The following EDIL3 variants were observed in gnomAD, a reference collection of about 807,000 sequenced individuals.
The protein encoded by EDIL3 is EGF-like repeat and discoidin I-like domain-containing protein 3.
In EDIL3, 37 loss-of-function variants were observed where a neutral mutation model predicts 67.4. The observed-to-expected ratio is 0.55, with a 90% CI of 0.42 to 0.72. The LOEUF (loss-of-function observed/expected upper bound fraction) is 0.72, where lower values mean the gene tolerates loss of function less well. Among genes scored for constraint, EDIL3 ranks in the 30% least tolerant of loss-of-function variants. The pLI is 0.00. For synonymous variants in EDIL3, 195 were observed against 196.3 expected (o/e 0.99, Z 0.05); for missense variants, 527 against 586.3 (o/e 0.90, Z 1.04).
intron 6 of EDIL3, among the ~76,000 whole-genome samples, chr5:84,066,971 C>G (rs1454025495): frequency 6.6e-6 from 1 of 152,124 alleles, no homozygotes; most frequent in Non-Finnish European, 1.5e-5. Context: ...CTATAAAACT[C>G]TATTGTCAAC....
At chr5:84,306,446 A>AT (rs1380807532) in intron 1 of EDIL3, among the ~76,000 whole-genome samples, 4 of 152,188 alleles carry the variant, frequency 2.6e-5, no homozygotes, top group Non-Finnish European at 4.4e-5. Context: ...AATAATGATG[A>AT]TTTTTTCCCA....
At chr5:84,373,954 A>T (rs1320538640) in intron 1 of EDIL3, among the ~76,000 whole-genome samples, 1 of 152,176 alleles carries the variant, frequency 6.6e-6, no homozygotes, top group East Asian at 1.9e-4. Flanking sequence ...GTTTAATATC[A>T]GAATGTTAAA....
chr5:84,297,543 G>A (rs916161763), intron 1 of EDIL3, among the ~76,000 whole-genome samples: 15 of 152,124 alleles, frequency 9.9e-5, no homozygotes, highest in Non-Finnish European at 1.5e-4. Context: ...TGGGGGTGAC[G>A]AATTCCGGCA....
Position 83,963,371 on chromosome 5 carries a change from A to AG in EDIL3, c.1138-12dup. On this transcript the variant is annotated splice_polypyrimidine_tract_variant and intron_variant, in intron 9 of 10. Transcript: ENST00000296591. ...AACAAGAAGATCCACCTTAAAAAAA[A>AG]GAAAAATACAGGCTTTAAATGCGAC... 1 of 1,589,070 alleles carries AG rather than the reference A, an allele frequency of 6.3e-7. No homozygotes were observed. The highest frequency in any genetic ancestry group is 8.5e-7 in the Non-Finnish European group (1 of 1,171,514).
intron 6 of EDIL3, among the ~76,000 whole-genome samples, chr5:84,074,124 C>T (rs1746802909): frequency 6.6e-6 from 1 of 151,698 alleles, no homozygotes; most frequent in Admixed American, 6.6e-5. Context: ...ATAAATGGTG[C>T]TGGGAAAACT....
At chr5:83,944,822 T>C (rs991588685) in intron 10 of EDIL3, among the ~76,000 whole-genome samples, 2 of 151,970 alleles carry the variant, frequency 1.3e-5, no homozygotes, top group Non-Finnish European at 2.9e-5. Context: ...TTCTTTCTTG[T>C]TTGGCATCAA....
intron 1 of EDIL3, among the ~76,000 whole-genome samples, chr5:84,333,134 GA>G (rs1408233378): frequency 1.3e-5 from 2 of 152,074 alleles, no homozygotes; most frequent in Non-Finnish European, 2.9e-5. Context: ...ATAATTTTTA[GA>G]GTCGGACTAC....
intron 1 of EDIL3, among the ~76,000 whole-genome samples, chr5:84,365,931 G>A (rs1301343043): frequency 4.6e-5 from 7 of 151,918 alleles, no homozygotes; most frequent in South Asian, 2.1e-4. Context: ...ATCCACACTC[G>A]AGGAATGAGG....
chr5:84,116,317 A>G (rs1414738301), intron 5 of EDIL3, among the ~76,000 whole-genome samples: 1 of 152,206 alleles, frequency 6.6e-6, no homozygotes, highest in Admixed American at 6.5e-5. Flanking sequence ...GACAGAGAGC[A>G]AAATGGAGCC....
chr5:84,366,577 AT>A (rs1478280377), intron 1 of EDIL3, among the ~76,000 whole-genome samples: 4 of 152,196 alleles, frequency 2.6e-5, no homozygotes, highest in Non-Finnish European at 5.9e-5. Flanking sequence ...CTCTATGAAC[AT>A]TTTAATGGTA....
chr5:84,080,903 G>C (rs1282543642), intron 6 of EDIL3, among the ~76,000 whole-genome samples: 2 of 152,114 alleles, frequency 1.3e-5, no homozygotes, highest in South Asian at 2.1e-4. Flanking sequence ...CAGATAAAAG[G>C]ACCTTTAAAC....
intron 6 of EDIL3, among the ~76,000 whole-genome samples, chr5:84,101,460 G>A (rs986964949): frequency 6.6e-6 from 1 of 151,900 alleles, no homozygotes; most frequent in Admixed American, 6.6e-5. Flanking sequence ...ATTAATAAAG[G>A]AGAAAAGGGA....
At chr5:84,067,226 A>T (rs554765990) in intron 6 of EDIL3, among the ~76,000 whole-genome samples, 2 of 152,272 alleles carry the variant, frequency 1.3e-5, no homozygotes, top group African/African-American at 4.8e-5. Context: ...TAAAATTTCT[A>T]ACTGGAATTT....
At chr5:84,239,538 C>T (rs1744755643) in intron 2 of EDIL3, among the ~76,000 whole-genome samples, 2 of 151,930 alleles carry the variant, frequency 1.3e-5, no homozygotes, top group East Asian at 1.9e-4. Flanking sequence ...ATGTTTATTG[C>T]GGCACTATTC....
chr5:83,985,356 T>A (rs2112153430), intron 9 of EDIL3, among the ~76,000 whole-genome samples: 1 of 152,276 alleles, frequency 6.6e-6, no homozygotes, highest in East Asian at 1.9e-4. Flanking sequence ...TATCAAATTT[T>A]GTTTGGACAA....
At chr5:84,052,453 A>G (rs1310948576) in intron 9 of EDIL3, among the ~76,000 whole-genome samples, 1 of 134,468 alleles carries the variant, frequency 7.4e-6, no homozygotes, top group Non-Finnish European at 1.6e-5. Flanking sequence ...AAATTCACAC[A>G]TACAATATTA....
chr5:83,956,772 TAAC>T (rs1744520024), intron 10 of EDIL3, among the ~76,000 whole-genome samples: 1 of 151,690 alleles, frequency 6.6e-6, no homozygotes, highest in Admixed American at 6.6e-5. Context: ...TTTATTTAAA[TAAC>T]AATATCCATG....
intron 4 of EDIL3, among the ~76,000 whole-genome samples, chr5:84,143,342 C>A (rs1168752575): frequency 6.6e-6 from 1 of 152,008 alleles, no homozygotes; most frequent in Non-Finnish European, 1.5e-5. Context: ...ATTATTCAGT[C>A]AGAACGTATC....
chr5:83,976,895 G>T (rs1382445676), intron 9 of EDIL3, among the ~76,000 whole-genome samples: 6 of 151,594 alleles, frequency 4.0e-5, no homozygotes, highest in Non-Finnish European at 5.9e-5. Context: ...ATATTACTAA[G>T]GTTCAACTAA....
Sources: gnomAD v4.1 joint callset for allele counts (sites outside exome capture counted in the v4.1 genomes callset) on GRCh38, gnomAD v4.1.1 for gene constraint, MANE v1.5 for transcripts, NCBI Gene and HGNC (gene_info 2026-07-23, HGNC 2026-07-21) for gene names.